UTP18: variants seen among roughly 807,000 people sequenced by gnomAD.
UTP18 encodes the protein UTP18 small subunit processome component.
In UTP18, 36 loss-of-function variants were observed where a neutral mutation model predicts 61.1. That is an observed-to-expected ratio of 0.59 (90% CI 0.45 to 0.78). The LOEUF (loss-of-function observed/expected upper bound fraction) is 0.78. Ranked by LOEUF, UTP18 falls within the 30% of genes least tolerant of loss-of-function variation. The pLI is 0.00. For synonymous variants in UTP18, 282 were observed against 251.1 expected (o/e 1.12, Z -1.16); for missense variants, 753 against 693.9 (o/e 1.09, Z -0.96).
At chr17:51,293,572 C>A (rs145640381) in intron 11 of UTP18, among the ~76,000 whole-genome samples, 112 of 149,612 alleles carry the variant, frequency 7.5e-4, no homozygotes, top group African/African-American at 1.4e-3. Flanking sequence ...CAAGACAATT[C>A]TTCTTCCGTT....
At chr17:51,271,856 C>T (rs967704593) in intron 4 of UTP18, among the ~76,000 whole-genome samples, 18 of 151,818 alleles carry the variant, frequency 1.2e-4, no homozygotes, top group African/African-American at 3.6e-4. Context: ...TTAGTAGACA[C>T]GGGGTTTCAC....
In UTP18 at chr17:51,285,272, T is replaced by C. The variant is rs1567705273; in HGVS notation, c.1232T>C (p.Val411Ala). Reference sequence around the variant, plus strand: ...GATGGAGAAGTTTATGTTTGGGATGTGAACTCAAGGAAGTGCCTTAACAGA... The same window carrying C: ...GATGGAGAAGTTTATGTTTGGGATGCGAACTCAAGGAAGTGCCTTAACAGA... ...SGDGEVYVWDVNSRKCLNRFV... is the reference protein window; with the variant it reads ...SGDGEVYVWDANSRKCLNRFV... The change falls in exon 10 of 14, where the codon GTG becomes GCG. Residue 411 changes from valine (V) to alanine (A), a missense_variant. Coordinates refer to ENST00000225298, the MANE Select transcript of UTP18 (RefSeq NM_016001.3). 2 of 1,613,864 alleles carry C rather than the reference T, an allele frequency of 1.2e-6. No individual in the cohort carries two copies. The highest frequency in any genetic ancestry group is 1.7e-5 in the Admixed American group (1 of 60,020).
At chr17:51,271,948 A>T (rs1904544623) in intron 4 of UTP18, among the ~76,000 whole-genome samples, 1 of 151,798 alleles carries the variant, frequency 6.6e-6, no homozygotes, top group South Asian at 2.1e-4. Context: ...AATTACAGAT[A>T]TGAGCCACCA....
chr17:51,268,616 G>C (rs941479162), intron 3 of UTP18, among the ~76,000 whole-genome samples: 5 of 152,226 alleles, frequency 3.3e-5, no homozygotes, highest in Non-Finnish European at 5.9e-5. Flanking sequence ...TCCAGGACTA[G>C]TTTAAGTGGG....
chr17:51,268,181 ACG>A, intron 3 of UTP18, among the ~76,000 whole-genome samples: 1 of 150,996 alleles, frequency 6.6e-6, no homozygotes, highest in East Asian at 1.9e-4. Flanking sequence ...ACCTGCCAAC[ACG>A]CCCAGCTAAT....
At chr17:51,266,392 C>G in intron 3 of UTP18, 112 bp downstream of exon 3, 1 of 654,494 alleles carries the variant, frequency 1.5e-6, no homozygotes. Context: ...AAGAGGATTG[C>G]TATTGTGGGC....
chr17:51,286,636 G>C (rs1905124221), intron 10 of UTP18: 5 of 452,302 alleles, frequency 1.1e-5, no homozygotes, highest in Admixed American at 4.7e-5. Flanking sequence ...TGGAGGGAGA[G>C]TGCCCTGATG....
At chr17:51,275,835 T>C in intron 5 of UTP18, 31 bp from the exon 6 acceptor site, 7 of 1,568,954 alleles carry the variant, frequency 4.5e-6, no homozygotes, top group South Asian at 1.2e-5. Context: ...TTCATTTCAA[T>C]TGATAAAATC....
intron 7 of UTP18, among the ~76,000 whole-genome samples, chr17:51,279,017 T>G (rs1365726828): frequency 6.6e-6 from 1 of 152,202 alleles, no homozygotes; most frequent in Non-Finnish European, 1.5e-5. Flanking sequence ...TATTTTCCTG[T>G]AGTGGAACAA....
chr17:51,268,147 C>A (rs1158211675), intron 3 of UTP18, among the ~76,000 whole-genome samples: 4 of 151,850 alleles, frequency 2.6e-5, no homozygotes, highest in Admixed American at 2.0e-4. Context: ...GTAGCTGGGA[C>A]TACCAGTAGA....
At chr17:51,277,331 C>T (rs772229486) in intron 7 of UTP18, 27 bp downstream of exon 7, 4 of 1,609,388 alleles carry the variant, frequency 2.5e-6, no homozygotes, top group Non-Finnish European at 3.4e-6. Context: ...ATGCACACAA[C>T]CAGTCATTCC....
intron 8 of UTP18, 119 bp downstream of exon 8, chr17:51,280,224 G>A (rs1296932430): frequency 2.3e-6 from 3 of 1,300,022 alleles, no homozygotes; most frequent in Non-Finnish European, 3.2e-6. Context: ...GCACAGGTGG[G>A]ACTTGGAGAG....
intron 11 of UTP18, among the ~76,000 whole-genome samples, chr17:51,292,568 A>G (rs1014725551): frequency 1.6e-4 from 25 of 152,244 alleles, no homozygotes; most frequent in African/African-American, 5.8e-4. Context: ...TTGATGGTAT[A>G]AAGTCTGACC....
At chr17:51,271,105 A>C (rs1283825281) in intron 4 of UTP18, among the ~76,000 whole-genome samples, 1 of 152,114 alleles carries the variant, frequency 6.6e-6, no homozygotes, top group Non-Finnish European at 1.5e-5. Context: ...GAATTGTTGT[A>C]TTGTGTTGCT....
chr17:51,276,147 C>T (rs1447411751), intron 6 of UTP18, among the ~76,000 whole-genome samples, 156 bp downstream of exon 6: 1 of 151,582 alleles, frequency 6.6e-6, no homozygotes, highest in African/African-American at 2.4e-5. Context: ...TGACAGAGTT[C>T]ATTTACTTGG....
At chr17:51,264,483 A>G (rs1255797711) in intron 2 of UTP18, among the ~76,000 whole-genome samples, 4 of 152,132 alleles carry the variant, frequency 2.6e-5, no homozygotes, top group Admixed American at 2.6e-4. Flanking sequence ...GAGCACAGTT[A>G]TTTTTAAGGT....
chr17:51,285,614 C>T (rs530777265), intron 10 of UTP18, among the ~76,000 whole-genome samples: 1 of 152,188 alleles, frequency 6.6e-6, no homozygotes, highest in East Asian at 1.9e-4. Context: ...TGTGGTTAAT[C>T]ACAATCTGAA....
chr17:51,273,566 G>C, intron 5 of UTP18, 116 bp downstream of exon 5: 4 of 661,836 alleles, frequency 6.0e-6, no homozygotes, highest in Non-Finnish European at 9.5e-6. Context: ...TATGTTTGCT[G>C]TCATTTTGCC....
Position 51,280,822 on chromosome 17 carries a change from A to T in UTP18, c.1204+343A>T, listed in dbSNP as rs542343405. On this transcript the variant is annotated intron_variant, in intron 9 of 13. Transcript: ENST00000225298. The stretch of plus-strand genomic sequence containing the variant: ...AACGAGACTCCATCTCAATAAAAAA[A>T]TTTTTTTTTTAGCCATCTATCCTGG... 7.6e-4 allele frequency among the ~76,000 whole-genome samples: 113 copies of T among 149,250 alleles called. 1 individual carries two copies. In the East Asian group the frequency reaches 0.017, roughly 22 times the overall value.
Sources: gnomAD v4.1 joint callset for allele counts (sites outside exome capture counted in the v4.1 genomes callset) on GRCh38, gnomAD v4.1.1 for gene constraint, MANE v1.5 for transcripts, NCBI Gene and HGNC (gene_info 2026-07-23, HGNC 2026-07-21) for gene names.